CPSF4: variants seen among roughly 807,000 people sequenced by gnomAD.
CPSF4 encodes the protein cleavage and polyadenylation specific factor 4, also known as cleavage and polyadenylation specificity factor subunit 4.
In CPSF4, 11 loss-of-function variants were observed where a neutral mutation model predicts 37.7. That is an observed-to-expected ratio of 0.29 (90% CI 0.18 to 0.48). The LOEUF (loss-of-function observed/expected upper bound fraction) is 0.48, where lower values mean the gene tolerates loss of function less well. Among genes scored for constraint, CPSF4 ranks in the 20% least tolerant of loss-of-function variants. CPSF4 has a pLI of 0.99. For synonymous variants in CPSF4, 132 were observed against 135.9 expected (o/e 0.97, Z 0.20); for missense variants, 144 against 359.5 (o/e 0.40, Z 4.85).
chr7:99,450,178 G>T (rs1383847246), intron 3 of CPSF4, 98 bp from the exon 4 acceptor site: 2 of 896,126 alleles, frequency 2.2e-6, no homozygotes, highest in African/African-American at 3.3e-5. Flanking sequence ...GGGCTCGTCA[G>T]GCCAAAACTG....
intron 5 of CPSF4, 71 bp downstream of exon 5, chr7:99,450,866 T>C: frequency 1.9e-6 from 2 of 1,077,822 alleles, no homozygotes; most frequent in Admixed American, 3.5e-5. Flanking sequence ...GTATCTTCCC[T>C]GGGCCAACTG....
intron 6 of CPSF4, 125 bp downstream of exon 6, chr7:99,452,565 C>A: frequency 1.2e-6 from 1 of 827,510 alleles, no homozygotes. Flanking sequence ...GGGGAGTCTC[C>A]CAAGTTCCCG....
At chr7:99,444,884 C>G (rs1797349285) in intron 2 of CPSF4, 45 bp downstream of exon 2, 2 of 1,548,980 alleles carry the variant, frequency 1.3e-6, no homozygotes, top group Non-Finnish European at 1.8e-6. Flanking sequence ...AGGCGCCCTC[C>G]CACCTCCTTC....
chr7:99,455,685 G>A (rs762034767), intron 7 of CPSF4, among the ~76,000 whole-genome samples: 1 of 152,152 alleles, frequency 6.6e-6, no homozygotes, highest in East Asian at 1.9e-4. Context: ...TGAGGCTGCC[G>A]TTTTAGGAGT....
intron 1 of CPSF4, chr7:99,442,876 C>A (rs1797141565): frequency 1.8e-6 from 2 of 1,135,622 alleles, no homozygotes; most frequent in South Asian, 2.5e-5. Flanking sequence ...GTATCAAGAA[C>A]CTTTCATCAG....
rs1430736056 is a variant in CPSF4 at position 99,448,385 on chromosome 7, AGAG to A, written c.307+116_307+118del. The stretch of plus-strand genomic sequence containing the variant: ...CTGCTTTTCCCATCTTTCTATTCTC[AGAG>A]GAGAACTCTGGCAGAACCTGCCAGC... On this transcript the variant is annotated intron_variant, in intron 3 of 7. Coordinates refer to ENST00000292476, the MANE Select transcript of CPSF4 (RefSeq NM_006693.4). This position sits in a 1 kb window ranked among gnomAD's most constrained non-coding sequence, Gnocchi z 4.4. 1.8e-5 allele frequency: 22 copies of A among 1,226,278 alleles called. No homozygotes were observed. The highest frequency in any genetic ancestry group is 2.2e-5 in the Non-Finnish European group (20 of 901,348). The allele number at this position is 1,226,278 out of a possible 1,614,324, so 76.0% of individuals were successfully genotyped here.
At position 99,448,478 on chromosome 7, in the gene CPSF4, TTTA is replaced by T; in HGVS notation, c.307+206_307+208del. Reference sequence around the variant, plus strand: ...TCATCTCTTTTTTTTTTTTTTTTTTTTTAAAGACATAGGGTCTCGCTATGTTTC... The same window carrying T: ...TCATCTCTTTTTTTTTTTTTTTTTTTAAGACATAGGGTCTCGCTATGTTTC... On this transcript the variant is annotated intron_variant, in intron 3 of 7. Transcript: ENST00000292476. The surrounding 1 kb of genome is among the most constrained non-coding windows in gnomAD (Gnocchi z 4.4). 23 of 542,848 alleles carry T rather than the reference TTTA, an allele frequency of 4.2e-5. No individual in the cohort carries two copies. The highest frequency in any genetic ancestry group is 6.6e-5 in the East Asian group (2 of 30,216). 33.6% of individuals were successfully genotyped at this position (542,848 alleles called of 1,614,324 possible). A position where few individuals can be genotyped will look rare whatever the true frequency, so the allele number is the denominator to read the frequency against.
intron 1 of CPSF4, among the ~76,000 whole-genome samples, chr7:99,440,674 A>ATATATATATATATTTTTTTTTTT: frequency 4.5e-5 from 4 of 88,086 alleles, no homozygotes; most frequent in South Asian, 8.5e-4. Context: ...ATATATATAT[A>ATATATATATATATTTTTTTTTTT]TTTTTTTTTT....
Position 99,456,426 on chromosome 7 carries a change from TC to T in CPSF4, c.742-3del. ...CTCCTCTTCCCCCACTTCCTGCTGTTCCCAGTGTGGCGAGAAAGGACACTAC... is the reference window on the plus strand; with the variant it reads ...CTCCTCTTCCCCCACTTCCTGCTGTTCCAGTGTGGCGAGAAAGGACACTAC... On this transcript the variant is annotated splice_region_variant and splice_polypyrimidine_tract_variant and intron_variant, in intron 7 of 7. Transcript: ENST00000292476. 6.2e-7 allele frequency: 1 copy of T among 1,614,054 alleles called. No homozygotes were observed. Among genetic ancestry groups the T allele is most frequent in the Non-Finnish European group, 8.5e-7 (1 of 1,179,888 alleles).
At position 99,450,274 on chromosome 7, in the gene CPSF4, AG is replaced by A; in HGVS notation, c.310del. The A allele has an allele frequency of 6.2e-7, 1 of 1,612,474 alleles. No homozygotes were observed. The highest frequency in any genetic ancestry group is 8.5e-7 in the Non-Finnish European group (1 of 1,178,704). On this transcript the variant is annotated splice_acceptor_variant, in intron 3 of 7. Coordinates refer to ENST00000292476, the MANE Select transcript of CPSF4 (RefSeq NM_006693.4). LOFTEE classifies it high-confidence loss of function. Reference sequence around the variant, plus strand: ...TGGTCTCACGTCTGAGTTTCCCTGCAGGGGAGTGCAGCAACAAGGAATGTCC... The same window carrying A: ...TGGTCTCACGTCTGAGTTTCCCTGCAGGGAGTGCAGCAACAAGGAATGTCC...
intron 7 of CPSF4, 38 bp downstream of exon 7, chr7:99,454,174 C>T: frequency 6.4e-7 from 1 of 1,569,498 alleles, no homozygotes; most frequent in Non-Finnish European, 8.7e-7. Flanking sequence ...GGGGTCTTCC[C>T]TTACCGTCAG....
chr7:99,440,316 A>T (rs1162621444), intron 1 of CPSF4, among the ~76,000 whole-genome samples: 1 of 151,498 alleles, frequency 6.6e-6, no homozygotes, highest in Non-Finnish European at 1.5e-5. Flanking sequence ...TGCACATGTG[A>T]CCTCTGAGTC....
chr7:99,448,050 C>T lies in CPSF4; in HGVS notation c.155-71C>T. On this transcript the variant is annotated intron_variant, in intron 2 of 7. Transcript: ENST00000292476. This position sits in a 1 kb window ranked among gnomAD's most constrained non-coding sequence, Gnocchi z 4.4. ...GAGTTAGGAAGTGAAGGTACCTCAG[C>T]TTCTTCAGGCCGTGTCCCCCAGGCT... The T allele has an allele frequency of 6.5e-7, 1 of 1,529,998 alleles. No homozygotes were observed. The highest frequency in any genetic ancestry group is 1.2e-5 in the South Asian group (1 of 84,510). 94.8% of individuals were successfully genotyped at this position (1,529,998 alleles called of 1,614,324 possible).
chr7:99,441,555 A>G (rs1454547957), intron 1 of CPSF4: 24 of 455,960 alleles, frequency 5.3e-5, no homozygotes, highest in Non-Finnish European at 4.0e-5. Flanking sequence ...TCCCCATCTG[A>G]GTTTTGGGAA....
intron 7 of CPSF4, among the ~76,000 whole-genome samples, chr7:99,456,166 G>A (rs746835962): frequency 3.9e-5 from 6 of 152,226 alleles, no homozygotes; most frequent in South Asian, 4.1e-4. Context: ...AGAGCAGGTC[G>A]CTAGCAGGTC....
At chr7:99,444,010 A>C (rs918142853) in intron 1 of CPSF4, among the ~76,000 whole-genome samples, 2 of 152,208 alleles carry the variant, frequency 1.3e-5, no homozygotes, top group African/African-American at 4.8e-5. Flanking sequence ...CTGGACTAGC[A>C]TCTCAGAGGC....
intron 1 of CPSF4, among the ~76,000 whole-genome samples, chr7:99,440,915 T>C (rs1374097899): frequency 6.7e-6 from 1 of 149,562 alleles, no homozygotes; most frequent in Non-Finnish European, 1.5e-5. Context: ...TCGACTCTTG[T>C]GATCATCCCT....
At chr7:99,443,059 T>G in intron 1 of CPSF4, 2 of 1,083,454 alleles carry the variant, frequency 1.8e-6, no homozygotes, top group Non-Finnish European at 2.9e-6. Flanking sequence ...CTTTGAGCTC[T>G]TTCCTTCGGC....
Position 99,453,908 on chromosome 7 carries a change from C to T in CPSF4, c.571-58C>T. ...CCGCCCTCTTTTTTCCTGTCCCCATCGGTAGTCTGCGTGCACGTGTTTTCC... is the reference window on the plus strand; with the variant it reads ...CCGCCCTCTTTTTTCCTGTCCCCATTGGTAGTCTGCGTGCACGTGTTTTCC... On this transcript the variant is annotated intron_variant, in intron 6 of 7. Transcript: ENST00000292476. This position sits in a 1 kb window ranked among gnomAD's most constrained non-coding sequence, Gnocchi z 4.7. 9 of 1,537,390 alleles carry T rather than the reference C, an allele frequency of 5.9e-6. No homozygotes were observed. The highest frequency in any genetic ancestry group is 1.2e-5 in the South Asian group (1 of 86,484).
Sources: allele counts gnomAD v4.1 joint callset (sites outside exome capture counted in the v4.1 genomes callset), GRCh38; gene constraint gnomAD v4.1.1; non-coding constraint Gnocchi (gnomAD v3.1); transcripts MANE v1.5; gene names NCBI Gene and HGNC (gene_info 2026-07-23, HGNC 2026-07-21).